The following SNED1 variants were observed in gnomAD, a reference collection of about 807,000 sequenced individuals.
SNED1 encodes the protein sushi, nidogen and EGF like domains 1, also known as sushi, nidogen and EGF-like domain-containing protein 1.
SNED1 carries 81 observed loss-of-function variants against 166.7 expected under a neutral mutation model. The observed-to-expected ratio is 0.49, with a 90% CI of 0.41 to 0.58. The LOEUF (loss-of-function observed/expected upper bound fraction) is 0.58. Among genes scored for constraint, SNED1 ranks in the 20% least tolerant of loss-of-function variants. The pLI, the probability that SNED1 is intolerant of heterozygous loss-of-function variation, is 0.00. For synonymous variants in SNED1, 762 were observed against 822.0 expected, an observed-to-expected ratio of 0.93 and a Z score of 1.25; for missense variants, 1,604 against 2,000.2, an observed-to-expected ratio of 0.80 and a Z score of 3.78.
intron 8 of SNED1, among the ~76,000 whole-genome samples, chr2:241,043,430 A>G (rs1400880023): frequency 6.6e-6 from 1 of 152,220 alleles, no homozygotes; most frequent in African/African-American, 2.4e-5. Context: ...TCAAAAGTTA[A>G]GCTGAAATAA....
Position 241,069,087 on chromosome 2 carries a change from C to G in SNED1, c.3307+64C>G, listed in dbSNP as rs2062591813. On this transcript the variant is annotated intron_variant, in intron 23 of 31. Coordinates refer to ENST00000310397, the MANE Select transcript of SNED1 (RefSeq NM_001080437.3). The surrounding 1 kb of genome is among the most constrained non-coding windows in gnomAD (Gnocchi z 4.9). Reference sequence around the variant, plus strand: ...GTCTTCTAGAAGCTCTGGCTTCCTTCCAGCCTCCCCTAGTCCTCTCCAAAG... The same window carrying G: ...GTCTTCTAGAAGCTCTGGCTTCCTTGCAGCCTCCCCTAGTCCTCTCCAAAG... 5.3e-6 allele frequency: 6 copies of G among 1,139,330 alleles called. No individual in the cohort carries two copies. 70.6% of individuals were successfully genotyped at this position (1,139,330 alleles called of 1,614,324 possible). A position where few individuals can be genotyped will look rare whatever the true frequency, so the allele number is the denominator to read the frequency against.
At chr2:241,041,672 G>A (rs1362567474) in intron 8 of SNED1, among the ~76,000 whole-genome samples, 2 of 152,114 alleles carry the variant, frequency 1.3e-5, no homozygotes, top group Non-Finnish European at 2.9e-5. Flanking sequence ...GTAACAGAAT[G>A]AGTGAGACTC....
At chr2:241,010,285 A>C (rs949499064) in intron 1 of SNED1, 3 of 152,268 alleles carry the variant, frequency 2.0e-5, no homozygotes, top group African/African-American at 7.2e-5. Flanking sequence ...AGGCTGTTGC[A>C]TATCGGCACT....
chr2:241,012,660 GT>G, intron 1 of SNED1, among the ~76,000 whole-genome samples: 1 of 152,278 alleles, frequency 6.6e-6, no homozygotes, highest in East Asian at 1.9e-4. Context: ...ACAAAATTGT[GT>G]GATTTAATAT....
chr2:241,018,347 C>G lies in SNED1; in HGVS notation c.214-11937C>G, dbSNP rs757181733. Among the ~76,000 whole-genome samples, 1 of 152,204 alleles carries G rather than the reference C, an allele frequency of 6.6e-6. No individual in the cohort carries two copies. Among genetic ancestry groups the G allele is most frequent in the Non-Finnish European group, 1.5e-5 (1 of 68,032 alleles). On this transcript the variant is annotated intron_variant, in intron 1 of 31. Coordinates refer to ENST00000310397, the MANE Select transcript of SNED1 (RefSeq NM_001080437.3). This position sits in a 1 kb window ranked among gnomAD's most constrained non-coding sequence, Gnocchi z 5.4. The stretch of plus-strand genomic sequence containing the variant: ...TGGGTGCAGATACCACCTGGATCCA[C>G]AGGACAGAGATGGGGAACCCAGCGC...
At chr2:241,007,566 G>A (rs551304398) in intron 1 of SNED1, among the ~76,000 whole-genome samples, 44 of 152,320 alleles carry the variant, frequency 2.9e-4, no homozygotes, top group African/African-American at 9.9e-4. Context: ...TTCATCTTGT[G>A]ATCATTGGGA....
intron 27 of SNED1, among the ~76,000 whole-genome samples, chr2:241,078,106 C>G (rs58477296): frequency 6.6e-6 from 1 of 152,050 alleles, no homozygotes; most frequent in African/African-American, 2.4e-5. Context: ...GAAAAGTGGC[C>G]GGGCGCGGTG....
chr2:241,087,780 G>A (rs1245733898), intron 30 of SNED1: 24 of 1,039,042 alleles, frequency 2.3e-5, no homozygotes, highest in African/African-American at 6.6e-5. Flanking sequence ...GGACAGCCCC[G>A]AGTATTTAAT....
At chr2:241,050,838 C>T (rs1481710873) in intron 12 of SNED1, among the ~76,000 whole-genome samples, 1 of 151,588 alleles carries the variant, frequency 6.6e-6, no homozygotes, top group Non-Finnish European at 1.5e-5. Context: ...AGGTGGGGGT[C>T]CTACCAGAGC....
intron 1 of SNED1, among the ~76,000 whole-genome samples, chr2:241,024,129 GCCTGGGCCTCCCAAAGT>G (rs2060861302): frequency 1.3e-5 from 2 of 150,110 alleles, no homozygotes; most frequent in South Asian, 4.2e-4. Context: ...TCAAGTGCCT[GCCTGGGCCTCCCAAAGT>G]CCTGGGATTA....
intron 16 of SNED1, among the ~76,000 whole-genome samples, chr2:241,060,391 C>G (rs766559091): frequency 3.9e-5 from 6 of 152,128 alleles, no homozygotes; most frequent in Non-Finnish European, 7.4e-5. Context: ...CCATGTTGGC[C>G]AGGCTGGTCT....
At position 241,091,648 on chromosome 2, in the gene SNED1, G is replaced by A. The variant is rs1158304608; in HGVS notation, c.*12G>A. 2 of 152,210 alleles carry A rather than the reference G, an allele frequency of 1.3e-5. No individual in the cohort carries two copies. The highest frequency in any genetic ancestry group is 2.9e-5 in the Non-Finnish European group (2 of 68,030). 9.4% of individuals were successfully genotyped at this position (152,210 alleles called of 1,614,324 possible). The stretch of plus-strand genomic sequence containing the variant: ...GTTTTTTCTTCAAAGGATTTAAGAC[G>A]TTCTTGTTACACTCCACCAACCTCA... On this transcript the variant is annotated 3_prime_UTR_variant, in exon 32 of 32. Transcript: ENST00000310397. This position sits in a 1 kb window ranked among gnomAD's most constrained non-coding sequence, Gnocchi z 4.1.
In SNED1 at chr2:241,012,780, CTT is replaced by C. The variant is rs369268395; in HGVS notation, c.213+13731_213+13732del. The stretch of plus-strand genomic sequence containing the variant: ...TGACAAGAACACTTAAGATTACTCT[CTT>C]AGCAAATTTCAATTAAACGAGGCAG... On this transcript the variant is annotated intron_variant, in intron 1 of 31. Coordinates refer to ENST00000310397, the MANE Select transcript of SNED1 (RefSeq NM_001080437.3). Among the ~76,000 whole-genome samples, 40 of 150,720 alleles carry C rather than the reference CTT, an allele frequency of 2.7e-4. No individual in the cohort carries two copies. In the East Asian group the frequency reaches 6.0e-3, roughly 23 times the overall value.
intron 3 of SNED1, among the ~76,000 whole-genome samples, chr2:241,034,126 G>A (rs556780234): frequency 2.6e-5 from 4 of 152,308 alleles, no homozygotes; most frequent in South Asian, 4.1e-4. Context: ...TTTAACAGCT[G>A]CAACAGCAAC....
chr2:241,067,139 T>C (rs1559289255), intron 21 of SNED1, among the ~76,000 whole-genome samples: 1 of 151,916 alleles, frequency 6.6e-6, no homozygotes, highest in Non-Finnish European at 1.5e-5. Context: ...CGCTGCAGAG[T>C]TGGGGCTCCA....
intron 16 of SNED1, among the ~76,000 whole-genome samples, chr2:241,055,521 CACT>C (rs562157696): frequency 5.3e-5 from 8 of 152,180 alleles, no homozygotes; most frequent in East Asian, 1.9e-4. Flanking sequence ...AGAATACCAC[CACT>C]GTCACTGTAA....
At position 241,048,443 on chromosome 2, in the gene SNED1, G is replaced by A; in HGVS notation, c.1399+3G>A. 1 of 1,594,010 alleles carries A rather than the reference G, an allele frequency of 6.3e-7. No homozygotes were observed. The highest frequency in any genetic ancestry group is 8.5e-7 in the Non-Finnish European group (1 of 1,171,272). ...CATGGGCCTGGACTGCAGGGAGAGT[G>A]CGTCTGGGCTGCAAGGGCTGCCGTT... On this transcript the variant is annotated splice_donor_region_variant and intron_variant, in intron 9 of 31. Coordinates refer to ENST00000310397, the MANE Select transcript of SNED1 (RefSeq NM_001080437.3).
rs368192245 is a variant in SNED1 at position 241,082,370 on chromosome 2, T to C, written c.4121+6T>C. The C allele has an allele frequency of 1.2e-6, 2 of 1,609,878 alleles. No homozygotes were observed. The highest frequency in any genetic ancestry group is 1.3e-5 in the African/African-American group (1 of 74,910). ...GGAGGCGTCTGTCACCACGTGTAAG[T>C]TGGTTTCTGTCCTCCGCCTTACCGC... On this transcript the variant is annotated splice_donor_region_variant and intron_variant, in intron 29 of 31. Coordinates refer to ENST00000310397, the MANE Select transcript of SNED1 (RefSeq NM_001080437.3).
In SNED1 at chr2:241,031,776, G is replaced by A. The variant is rs185746497; in HGVS notation, c.501+1205G>A. Among the ~76,000 whole-genome samples, 217 of 152,274 alleles carry A rather than the reference G, an allele frequency of 1.4e-3. 1 individual carries two copies. The highest frequency in any genetic ancestry group is 4.9e-3 in the African/African-American group (204 of 41,552). ...TTTCCGAGTGTTAGCACTTACGTTC[G>A]CCTTCCTGAAGCAGAGCACGTAGTT... is the stretch of plus-strand genomic sequence containing the variant. On this transcript the variant is annotated intron_variant, in intron 2 of 31. Transcript: ENST00000310397.
Sources: allele counts gnomAD v4.1 joint callset (sites outside exome capture counted in the v4.1 genomes callset), GRCh38; gene constraint gnomAD v4.1.1; non-coding constraint Gnocchi (gnomAD v3.1); transcripts MANE v1.5; gene names NCBI Gene and HGNC (gene_info 2026-07-23, HGNC 2026-07-21).